KANSL3: variants seen among roughly 807,000 people sequenced by gnomAD.
The protein encoded by KANSL3 is KAT8 regulatory NSL complex subunit 3.
A neutral mutation model predicts 89.2 loss-of-function variants in KANSL3; 16 were observed. That is an observed-to-expected ratio of 0.18 (90% CI 0.12 to 0.27). The LOEUF is 0.27. KANSL3 is among the 10% of genes least tolerant of loss of function. The probability of loss-of-function intolerance (pLI) is 1.00; values close to 1 mark genes in which losing one functional copy is unlikely to be tolerated. For synonymous variants in KANSL3, 385 were observed against 419.7 expected, an observed-to-expected ratio of 0.92 and a Z score of 1.01; for missense variants, 879 against 1,110.6, an observed-to-expected ratio of 0.79 and a Z score of 2.96.
intron 2 of KANSL3, among the ~76,000 whole-genome samples, chr2:96,633,843 T>TTGCTCCA: frequency 6.6e-6 from 1 of 151,996 alleles, no homozygotes; most frequent in African/African-American, 2.4e-5. Context: ...CCAGCCTGGG[T>TTGCTCCA]GACAGAGCAA....
chr2:96,637,292 T>TATCC (rs2074374379), intron 1 of KANSL3, 107 bp from the exon 2 acceptor site: 1 of 570,522 alleles, frequency 1.8e-6, no homozygotes, highest in Non-Finnish European at 3.1e-6. Flanking sequence ...TCCTATTGAG[T>TATCC]ATCCATTTCA....
At chr2:96,627,257 C>T (rs926468484) in intron 3 of KANSL3, among the ~76,000 whole-genome samples, 5 of 151,900 alleles carry the variant, frequency 3.3e-5, no homozygotes, top group East Asian at 1.9e-4. Flanking sequence ...CTCTGTTGCC[C>T]GGGCTGGAGT....
rs1331045814 is a variant in KANSL3 at position 96,631,365 on chromosome 2, C to T, written c.333G>A (p.Arg111=). The change falls in exon 3 of 21, where the codon AGG becomes AGA. Residue 111 remains arginine, a synonymous_variant. Transcript: ENST00000431828. The part of the protein sequence containing the change: ...NECERHVIFA[R]TDADAPPPPE... The stretch of plus-strand genomic sequence containing the variant: ...GTGGAGGAGGGGCATCTGCATCAGT[C>T]CTGGCAAAGATGACATGCCGTTCAC... 2 of 1,612,970 alleles carry T rather than the reference C, an allele frequency of 1.2e-6. No homozygotes were observed. Among genetic ancestry groups the T allele is most frequent in the East Asian group, 2.2e-5 (1 of 44,860 alleles).
chr2:96,608,705 T>C (rs758715770), intron 13 of KANSL3, 41 bp from the exon 14 acceptor site: 2 of 1,612,744 alleles, frequency 1.2e-6, no homozygotes, highest in Non-Finnish European at 8.5e-7. Context: ...ACAATGTTAC[T>C]AGGATCTGAC....
In KANSL3 at chr2:96,611,637, C is replaced by T. The variant is rs2068970182; in HGVS notation, c.1087-499G>A. On this transcript the variant is annotated intron_variant, in intron 9 of 20. Transcript: ENST00000431828. The stretch of plus-strand genomic sequence containing the variant: ...GACCTTCTTCCTCTCATAGCTATCA[C>T]ACTTGATTGGACTGCATGAAGCAAA... 2.0e-5 allele frequency among the ~76,000 whole-genome samples: 3 copies of T among 152,148 alleles called. No individual in the cohort carries two copies. The South Asian group carries it at 6.2e-4, about 32-fold the overall frequency.
chr2:96,618,172 AAAG>A (rs2070567505), intron 5 of KANSL3, among the ~76,000 whole-genome samples: 1 of 151,520 alleles, frequency 6.6e-6, no homozygotes, highest in Admixed American at 6.6e-5. Context: ...GAAAAAAAAA[AAAG>A]GCCTCAGACA....
Position 96,595,328 on chromosome 2 carries a change from CG to C in KANSL3, c.*282del. 5.1e-6 allele frequency: 2 copies of C among 395,608 alleles called. No homozygotes were observed. Among genetic ancestry groups the C allele is most frequent in the Middle Eastern group, 7.1e-4 (1 of 1,404 alleles). 24.5% of individuals were successfully genotyped at this position (395,608 alleles called of 1,614,324 possible). ...CCCTTGGGTCAAACCACAGCTTAAG[CG>C]GGGGAAGAAGTGGTTCTGATCCATG... On this transcript the variant is annotated 3_prime_UTR_variant, in exon 21 of 21. Coordinates refer to ENST00000431828, the MANE Select transcript of KANSL3 (RefSeq NM_001115016.3).
At chr2:96,605,223 A>T in intron 15 of KANSL3, 97 bp downstream of exon 15, 1 of 1,119,098 alleles carries the variant, frequency 8.9e-7, no homozygotes. Context: ...CTCTCAAAAT[A>T]AAGCAAAGGC....
chr2:96,604,604 G>A (rs2067693445), intron 16 of KANSL3, among the ~76,000 whole-genome samples, 175 bp downstream of exon 16: 1 of 152,180 alleles, frequency 6.6e-6, no homozygotes, highest in South Asian at 2.1e-4. Context: ...GGAGTCTTAA[G>A]TAAAAGTGAA....
chr2:96,610,895 A>T lies in KANSL3; in HGVS notation c.1162-12T>A. 6.2e-7 allele frequency: 1 copy of T among 1,612,038 alleles called. No individual in the cohort carries two copies. The highest frequency in any genetic ancestry group is 1.1e-5 in the South Asian group (1 of 91,068). ...GGATCATCTACATCCTAAAACAGGTATAGGTTTTAGAATCGGCTTCTTCAT... is the reference window on the plus strand; with the variant it reads ...GGATCATCTACATCCTAAAACAGGTTTAGGTTTTAGAATCGGCTTCTTCAT... On this transcript the variant is annotated splice_polypyrimidine_tract_variant and intron_variant, in intron 10 of 20. Coordinates refer to ENST00000431828, the MANE Select transcript of KANSL3 (RefSeq NM_001115016.3).
chr2:96,611,535 A>G (rs1286721495), intron 9 of KANSL3, among the ~76,000 whole-genome samples: 3 of 152,200 alleles, frequency 2.0e-5, no homozygotes, highest in South Asian at 2.1e-4. Flanking sequence ...ATTGAACTTA[A>G]TGGATAGCTA....
chr2:96,607,124 G>T, intron 14 of KANSL3: 1 of 996,200 alleles, frequency 1.0e-6, no homozygotes, highest in Non-Finnish European at 1.4e-6. Flanking sequence ...AAGAAAAAAG[G>T]TTGTAGAAAA....
chr2:96,614,728 G>A (rs1473412962), intron 5 of KANSL3, among the ~76,000 whole-genome samples: 1 of 145,696 alleles, frequency 6.9e-6, no homozygotes, highest in Non-Finnish European at 1.5e-5. Flanking sequence ...CCAAGGTCAT[G>A]ACACTGCACT....
At chr2:96,607,525 C>G (rs550965331) in intron 14 of KANSL3, among the ~76,000 whole-genome samples, 1 of 152,362 alleles carries the variant, frequency 6.6e-6, no homozygotes, top group Admixed American at 6.5e-5. Context: ...TAAAGACACA[C>G]TGTCCACACG....
In KANSL3 at chr2:96,602,229, C is replaced by A; in HGVS notation, c.2369G>T (p.Gly790Val). 3 of 1,611,062 alleles carry A rather than the reference C, an allele frequency of 1.9e-6. No individual in the cohort carries two copies. Among genetic ancestry groups the A allele is most frequent in the Non-Finnish European group, 2.5e-6 (3 of 1,178,806 alleles). ...IPVATTLSSL[G>V]ATPGGKPTAI... ...TGTGGGCTTCCCACCAGGAGTGGCA[C>A]CCAAGGAGGAGAGAGTGGTGGCCAC... is the stretch of plus-strand genomic sequence containing the variant. Residue 790 changes from glycine (G) to valine (V), a missense_variant, in exon 19 of 21, where the codon GGT (glycine) becomes GTT (valine). Physicochemically the swap from Gly to Val is moderately radical, Grantham distance 109. Coordinates refer to ENST00000431828, the MANE Select transcript of KANSL3 (RefSeq NM_001115016.3).
Position 96,602,812 on chromosome 2 carries a change from C to T in KANSL3, c.2200G>A (p.Asp734Asn). ...AGGCCAGAGGTCTTGCTGCTGATAT[C>T]CTGCAAGCTGAAGCTGAGGCCTTGG... Reference protein sequence around the residue: ...LLQGLSFSLQDISSKTSGLPA... With the variant: ...LLQGLSFSLQNISSKTSGLPA... The change falls in exon 18 of 21, where the codon GAT (aspartate) becomes AAT (asparagine). Residue 734 changes from aspartate to asparagine, a missense_variant. By Grantham distance (23) the Asp-to-Asn change is conservative. Coordinates refer to ENST00000431828, the MANE Select transcript of KANSL3 (RefSeq NM_001115016.3). The T allele has an allele frequency of 6.2e-7, 1 of 1,613,128 alleles. No individual in the cohort carries two copies. Among genetic ancestry groups the T allele is most frequent in the African/African-American group, 1.3e-5 (1 of 74,996 alleles).
intron 19 of KANSL3, 40 bp downstream of exon 19, chr2:96,602,076 C>T: frequency 6.6e-7 from 1 of 1,525,256 alleles, no homozygotes; most frequent in Non-Finnish European, 8.9e-7. Context: ...GGGAAAGATC[C>T]CAGATCTGGG....
intron 3 of KANSL3, among the ~76,000 whole-genome samples, chr2:96,629,440 A>C (rs2072994258): frequency 6.6e-6 from 1 of 152,116 alleles, no homozygotes; most frequent in Non-Finnish European, 1.5e-5. Flanking sequence ...CTCCTGCCTC[A>C]GCCTCCCGAG....
In KANSL3 at chr2:96,631,472, C is replaced by A. The variant is rs760552557; in HGVS notation, c.226G>T (p.Val76Phe). ...RQHESTIESD[V>F]PIDVETVTST... ...GTGACCGTCTCCACATCTATTGGGA[C>A]GTCTGATTCACTGTAAACAGGTGAG... Residue 76 changes from valine (V) to phenylalanine (F), a missense_variant, in exon 3 of 21, where the codon GTC becomes TTC. Val to Phe is a conservative substitution (Grantham distance 50). Coordinates refer to ENST00000431828, the MANE Select transcript of KANSL3 (RefSeq NM_001115016.3). The A allele has an allele frequency of 1.9e-6, 3 of 1,568,418 alleles. No individual in the cohort carries two copies. Among genetic ancestry groups the A allele is most frequent in the Middle Eastern group, 1.7e-4 (1 of 6,008 alleles).
Sources: allele counts gnomAD v4.1 joint callset (sites outside exome capture counted in the v4.1 genomes callset), GRCh38; gene constraint gnomAD v4.1.1; transcripts MANE v1.5; gene names NCBI Gene and HGNC (gene_info 2026-07-23, HGNC 2026-07-21).